The following LYRM4 variants were observed in gnomAD, a reference collection of about 807,000 sequenced individuals.
The protein encoded by LYRM4 is LYR motif-containing protein 4.
In LYRM4, 9 loss-of-function variants were observed where a neutral mutation model predicts 11.7. The ratio of observed to expected loss-of-function variants is 0.77; its 90% CI spans 0.46 to 1.34. LYRM4 has a LOEUF of 1.34. Ranked by LOEUF, LYRM4 falls within the 40% of genes most tolerant of loss-of-function variation. The probability of loss-of-function intolerance (pLI) is 0.00; values close to 1 mark genes in which losing one functional copy is unlikely to be tolerated. For missense variants in LYRM4, 133 were observed against 112.5 expected, an observed-to-expected ratio of 1.18 and a Z score of -0.82; for synonymous variants, 42 against 40.4, an observed-to-expected ratio of 1.04 and a Z score of -0.15.
chr6:5,077,735 C>G, the LYRM4 span, among the ~76,000 whole-genome samples: 2 of 152,032 alleles, frequency 1.3e-5, no homozygotes, highest in African/African-American at 2.4e-5. Flanking sequence ...GGTTTTTTAT[C>G]TTTAATTTTT....
chr6:5,221,092 G>C (rs1037340747), intron 1 of LYRM4, among the ~76,000 whole-genome samples: 1 of 152,120 alleles, frequency 6.6e-6, no homozygotes, highest in African/African-American at 2.4e-5. Context: ...CTCTCAAAGT[G>C]CTGGGATTAC....
At chr6:5,219,008 G>A (rs1229706208) in intron 1 of LYRM4, among the ~76,000 whole-genome samples, 4 of 152,096 alleles carry the variant, frequency 2.6e-5, no homozygotes, top group African/African-American at 9.7e-5. Flanking sequence ...TGTTCCACAG[G>A]CAAAATTGGT....
chr6:5,234,882 G>A (rs545447176), intron 1 of LYRM4, among the ~76,000 whole-genome samples: 3 of 152,148 alleles, frequency 2.0e-5, no homozygotes, highest in Admixed American at 6.5e-5. Context: ...AGCAAAATTC[G>A]GTTTCTACCA....
intron 2 of LYRM4, among the ~76,000 whole-genome samples, chr6:5,162,849 A>G (rs1028292100): frequency 6.6e-6 from 1 of 152,222 alleles, no homozygotes; most frequent in African/African-American, 2.4e-5. Flanking sequence ...AGGGAAACTG[A>G]TAACAATAAA....
chr6:5,120,151 T>G (rs532288928), intron 2 of LYRM4, among the ~76,000 whole-genome samples: 3 of 152,222 alleles, frequency 2.0e-5, no homozygotes, highest in Admixed American at 6.5e-5. Context: ...CACCTCGGCC[T>G]CCCAAAGTGC....
chr6:5,255,676 T>C (rs1764632128), intron 1 of LYRM4, among the ~76,000 whole-genome samples: 1 of 152,112 alleles, frequency 6.6e-6, no homozygotes, highest in Non-Finnish European at 1.5e-5. Flanking sequence ...TTCCCTAGAA[T>C]AGCATCCGTA....
chr6:5,215,880 C>A (rs1336875809), intron 2 of LYRM4, among the ~76,000 whole-genome samples: 1 of 152,110 alleles, frequency 6.6e-6, no homozygotes, highest in Non-Finnish European at 1.5e-5. Flanking sequence ...GCTGCTAAGT[C>A]AAAGAAAAAC....
At chr6:5,169,752 G>T (rs1759309592) in intron 2 of LYRM4, among the ~76,000 whole-genome samples, 1 of 152,134 alleles carries the variant, frequency 6.6e-6, no homozygotes, top group South Asian at 2.1e-4. Flanking sequence ...ATTTACCGAT[G>T]ATTTTTCTCA....
the LYRM4 span, among the ~76,000 whole-genome samples, chr6:5,049,933 G>T: frequency 6.6e-6 from 1 of 152,230 alleles, no homozygotes; most frequent in Non-Finnish European, 1.5e-5. Flanking sequence ...CTCTTGAAGT[G>T]CTGGGATTAC....
At chr6:5,056,207 A>C in the LYRM4 span, among the ~76,000 whole-genome samples, 1 of 152,192 alleles carries the variant, frequency 6.6e-6, no homozygotes, top group African/African-American at 2.4e-5. Flanking sequence ...TTTTTAAAAA[A>C]CAGTTGGATC....
chr6:5,257,537 C>T (rs1317190598), intron 1 of LYRM4, among the ~76,000 whole-genome samples: 2 of 152,190 alleles, frequency 1.3e-5, no homozygotes, highest in Non-Finnish European at 2.9e-5. Flanking sequence ...GGTCCCCAAC[C>T]CATCAGTACT....
At chr6:5,189,979 T>C (rs1260368720) in intron 2 of LYRM4, among the ~76,000 whole-genome samples, 3 of 152,214 alleles carry the variant, frequency 2.0e-5, no homozygotes, top group Non-Finnish European at 4.4e-5. Context: ...ATTTATCTAA[T>C]TTTCCCAAGT....
At chr6:5,215,296 T>G (rs910126634) in intron 2 of LYRM4, among the ~76,000 whole-genome samples, 3 of 152,204 alleles carry the variant, frequency 2.0e-5, no homozygotes, top group African/African-American at 7.2e-5. Context: ...TATGCTCCAC[T>G]GCTAAAGGAC....
chr6:5,217,889 G>T (rs542961951), intron 1 of LYRM4, among the ~76,000 whole-genome samples: 32 of 152,300 alleles, frequency 2.1e-4, no homozygotes, highest in African/African-American at 7.2e-4. Context: ...GACTGAGCCA[G>T]GCATGTGAGA....
intron 1 of LYRM4, among the ~76,000 whole-genome samples, chr6:5,224,189 A>G (rs1420408246): frequency 6.6e-6 from 1 of 152,252 alleles, no homozygotes; most frequent in Non-Finnish European, 1.5e-5. Flanking sequence ...ATATCCTTAG[A>G]ATACAAATAG....
At chr6:5,061,961 G>A in the LYRM4 span, among the ~76,000 whole-genome samples, 7 of 151,806 alleles carry the variant, frequency 4.6e-5, no homozygotes, top group Non-Finnish European at 1.0e-4. Context: ...TGGTACTTTC[G>A]TACCACCTCC....
At chr6:5,242,377 T>C (rs1222114631) in intron 1 of LYRM4, among the ~76,000 whole-genome samples, 1 of 132,146 alleles carries the variant, frequency 7.6e-6, no homozygotes, top group Non-Finnish European at 1.5e-5. Flanking sequence ...CGGCCACTTA[T>C]ACTTTTAAAT....
the LYRM4 span, among the ~76,000 whole-genome samples, chr6:5,053,166 T>A: frequency 3.3e-5 from 5 of 152,192 alleles, no homozygotes; most frequent in Admixed American, 6.5e-5. Context: ...TTTTTTTAGA[T>A]GATTTTAAAC....
chr6:5,150,870 C>T (rs1403588713), intron 2 of LYRM4, among the ~76,000 whole-genome samples: 2 of 152,278 alleles, frequency 1.3e-5, no homozygotes, highest in East Asian at 3.9e-4. Flanking sequence ...TTTGCTATTT[C>T]TGATGACACA....
Sources: gnomAD v4.1 joint callset for allele counts (sites outside exome capture counted in the v4.1 genomes callset) on GRCh38, gnomAD v4.1.1 for gene constraint, MANE v1.5 for transcripts, NCBI Gene and HGNC (gene_info 2026-07-23, HGNC 2026-07-21) for gene names.